Variants in ATM observed in about 807,000 individuals in gnomAD.
ATM encodes the protein serine-protein kinase ATM.
A neutral mutation model predicts 387.0 loss-of-function variants in ATM; 308 were observed. The ratio of observed to expected loss-of-function variants is 0.80; its 90% CI spans 0.73 to 0.87. The LOEUF (loss-of-function observed/expected upper bound fraction) is 0.87. ATM is among the 40% of genes least tolerant of loss of function. ATM has a pLI of 0.00. For synonymous variants in ATM, 1,156 were observed against 1,187.3 expected (o/e 0.97, Z 0.54); for missense variants, 3,312 against 3,560.9 (o/e 0.93, Z 1.78).
chr11:108,224,221 T>A (rs1236046081), intron 1 of ATM: 1 of 152,216 alleles, frequency 6.6e-6, no homozygotes, highest in African/African-American at 2.4e-5. Flanking sequence ...TTATACAGTT[T>A]GTAAGTGGCT....
chr11:108,328,986 T>C, intron 48 of ATM, 35 bp from the exon 49 acceptor site: 1 of 1,573,534 alleles, frequency 6.4e-7, no homozygotes, highest in Non-Finnish European at 8.7e-7. Flanking sequence ...TTAGTATTTG[T>C]AAATATAATT....
intron 5 of ATM, among the ~76,000 whole-genome samples, chr11:108,238,811 G>C (rs774909320): frequency 6.6e-6 from 1 of 151,664 alleles, no homozygotes; most frequent in Non-Finnish European, 1.5e-5. Context: ...GTGATTTATT[G>C]TGGTAAAATA....
chr11:108,229,216 T>G lies in ATM; in HGVS notation c.224T>G (p.Leu75Arg). Reference protein sequence around the residue: ...QKYIQKETECLRIAKPNVSAS... With the variant: ...QKYIQKETECRRIAKPNVSAS... ...TATATTCAGAAAGAAACAGAATGTC[T>G]GAGAATAGCAAAACCAAATGTATCA... is the stretch of plus-strand genomic sequence containing the variant. Residue 75 changes from leucine (L) to arginine (R), a missense_variant, in exon 4 of 63, where the codon CTG (leucine) becomes CGG (arginine). Leu to Arg is a moderately radical substitution (Grantham distance 102). Around this residue, in one of 4 missense-constraint regions of ATM, gnomAD observed 1,791 missense variants for 1,804.5 expected, o/e 0.99. Coordinates refer to ENST00000675843, the MANE Select transcript of ATM (RefSeq NM_000051.4). The G allele has an allele frequency of 6.2e-7, 1 of 1,613,448 alleles. No homozygotes were observed. Among genetic ancestry groups the G allele is most frequent in the Non-Finnish European group, 8.5e-7 (1 of 1,179,706 alleles).
chr11:108,241,742 CTTTTT>C lies in ATM; in HGVS notation c.497-2190_497-2186del, dbSNP rs1206745957. On this transcript the variant is annotated intron_variant, in intron 5 of 62. Transcript: ENST00000675843. ...TCTTTCTTTCTGTCTTTCTTTCTTT[CTTTTT>C]TTTTTTTTTTTTTTTTTTTTGAGAT... Among the ~76,000 whole-genome samples, 9 of 45,346 alleles carry C rather than the reference CTTTTT, an allele frequency of 2.0e-4. No homozygotes were observed. In the East Asian group the frequency reaches 3.4e-3, roughly 17 times the overall value. 29.7% of individuals were successfully genotyped at this position (45,346 alleles called of 152,430 possible).
At chr11:108,271,861 GT>G (rs1258580848) in intron 20 of ATM, among the ~76,000 whole-genome samples, 1 of 152,110 alleles carries the variant, frequency 6.6e-6, no homozygotes, top group African/African-American at 2.4e-5. Flanking sequence ...TCAATAGACT[GT>G]TTTTTGTTTT....
chr11:108,338,934 C>A (rs1242597428), intron 56 of ATM, among the ~76,000 whole-genome samples: 5 of 152,142 alleles, frequency 3.3e-5, no homozygotes, highest in Non-Finnish European at 7.4e-5. Context: ...CATTCCCAAT[C>A]CTGAGATTCA....
rs2081667850 is a variant in ATM, at chr11:108,272,816, A to G, written c.3248A>G (p.His1083Arg). 3.7e-6 allele frequency: 6 copies of G among 1,614,090 alleles called. No individual in the cohort carries two copies. Among genetic ancestry groups the G allele is most frequent in the Non-Finnish European group, 5.1e-6 (6 of 1,180,002 alleles). Residue 1083 changes from histidine to arginine, a missense_variant, in exon 22 of 63, where the codon CAC (histidine) becomes CGC (arginine). Around this residue, in one of 4 missense-constraint regions of ATM, gnomAD observed 1,791 missense variants for 1,804.5 expected, o/e 0.99. Coordinates refer to ENST00000675843, the MANE Select transcript of ATM (RefSeq NM_000051.4). ...ACACAATTTCTTGCTGACAATCATC[A>G]CCAAGTTCGCATGTTGGCTGCAGAG... The part of the protein sequence containing the change: ...VFTQFLADNH[H>R]QVRMLAAESI...
Position 108,331,959 on chromosome 11 carries a change from A to G in ATM, c.7710A>G (p.Glu2570=), listed in dbSNP as rs760215505. Residue 2570 remains glutamate, a synonymous_variant, in exon 52 of 63, where the codon GAA becomes GAG. Coordinates refer to ENST00000675843, the MANE Select transcript of ATM (RefSeq NM_000051.4). ...CCTTAGCAAATGCAAACAGAGATGA[A>G]TTTCTGACTAAACCAGAGGTAGCCA... ...ILALANANRD[E]FLTKPEVARR... 1 of 1,614,088 alleles carries G rather than the reference A, an allele frequency of 6.2e-7. No individual in the cohort carries two copies. The highest frequency in any genetic ancestry group is 1.7e-5 in the Admixed American group (1 of 60,026).
intron 45 of ATM, among the ~76,000 whole-genome samples, chr11:108,322,075 A>G (rs886342518): frequency 1.3e-5 from 2 of 152,122 alleles, no homozygotes; most frequent in Non-Finnish European, 2.9e-5. Context: ...GCCTTGCTAA[A>G]CTAGAAGCTC....
intron 16 of ATM, among the ~76,000 whole-genome samples, chr11:108,265,865 C>CA (rs1410347559): frequency 7.8e-6 from 1 of 128,554 alleles, no homozygotes; most frequent in African/African-American, 2.8e-5. Flanking sequence ...TTTATGCAGC[C>CA]AAAAAACACA....
At chr11:108,299,456 C>T in intron 33 of ATM, 1 of 366,018 alleles carries the variant, frequency 2.7e-6, no homozygotes, top group Admixed American at 3.8e-5. Flanking sequence ...CGCCACCACG[C>T]CTGGCTAATT....
intron 22 of ATM, among the ~76,000 whole-genome samples, chr11:108,276,367 C>T (rs1013693185): frequency 8.5e-5 from 13 of 152,156 alleles, no homozygotes; most frequent in African/African-American, 1.2e-4. Flanking sequence ...TCTGTCAATT[C>T]GTCAAACTCA....
intron 22 of ATM, among the ~76,000 whole-genome samples, chr11:108,276,035 T>C (rs2081928231): frequency 6.6e-6 from 1 of 152,242 alleles, no homozygotes; most frequent in African/African-American, 2.4e-5. Flanking sequence ...AGTCCCATAT[T>C]TCTTGGAGGC....
rs786204737 is a variant in ATM, at chr11:108,250,987, CT to C, written c.1524del (p.Gly509GlufsTer3). On this transcript the variant is annotated frameshift_variant, in exon 10 of 63. Coordinates refer to ENST00000675843, the MANE Select transcript of ATM (RefSeq NM_000051.4). LOFTEE classifies it high-confidence loss of function. ...AATACAAGCTGAAAACTTTGGCTTA[CT>C]TGGAGCCATAATTCAGGGTAGTTTA... ...EQIQAENFGLLGAIIQGSLVE... is the reference protein window; with the variant it reads ...EQIQAENFGLXGAIIQGSLVE... 2 of 1,614,078 alleles carry C rather than the reference CT, an allele frequency of 1.2e-6. No individual in the cohort carries two copies. The highest frequency in any genetic ancestry group is 1.7e-6 in the Non-Finnish European group (2 of 1,180,008).
intron 46 of ATM, 119 bp from the exon 47 acceptor site, chr11:108,325,939 T>A: frequency 8.0e-7 from 1 of 1,250,752 alleles, no homozygotes. Context: ...CTTAAGATAG[T>A]CCCTGACAAG....
At position 108,258,965 on chromosome 11, in the gene ATM, CTTTG is replaced by C. The variant is rs730881298; in HGVS notation, c.2377-15_2377-12del. 1.8e-5 allele frequency: 29 copies of C among 1,590,196 alleles called. No homozygotes were observed. Among genetic ancestry groups the C allele is most frequent in the African/African-American group, 6.7e-5 (5 of 74,416 alleles). ...GTTTTTATTTCTTTGTTGCTTGGTT[CTTTG>C]TTTGTCTTAATTGCAGAAGAGTCCA... On this transcript the variant is annotated splice_polypyrimidine_tract_variant and intron_variant, in intron 15 of 62. Coordinates refer to ENST00000675843, the MANE Select transcript of ATM (RefSeq NM_000051.4).
intron 26 of ATM, 40 bp from the exon 27 acceptor site, chr11:108,287,560 T>A (rs2135734269): frequency 7.7e-7 from 1 of 1,305,058 alleles, no homozygotes; most frequent in Non-Finnish European, 1.1e-6. Flanking sequence ...CGTTCACAGA[T>A]ATAAAATATT....
In ATM at chr11:108,259,162, T is replaced by G. The variant is rs145659155; in HGVS notation, c.2466+87T>G. The stretch of plus-strand genomic sequence containing the variant: ...AAATATCTTTGTAAATAAGGATGCA[T>G]CTCACAACATATAGCTCTTAACATT... On this transcript the variant is annotated intron_variant, in intron 16 of 62. Transcript: ENST00000675843. 734 of 1,070,494 alleles carry G rather than the reference T, an allele frequency of 6.9e-4. 3 individuals carry two copies. In the African/African-American group the frequency reaches 0.01, roughly 15 times the overall value. 66.3% of individuals were successfully genotyped at this position (1,070,494 alleles called of 1,614,324 possible). A position where few individuals can be genotyped will look rare whatever the true frequency, so the allele number is the denominator to read the frequency against.
intron 56 of ATM, among the ~76,000 whole-genome samples, chr11:108,342,140 T>C (rs145124575): frequency 0.02 from 2,969 of 152,206 alleles, 94 homozygotes; most frequent in African/African-American, 0.067. Flanking sequence ...TGTTAGTGTA[T>C]TTTATGTGTG....
Sources: gnomAD v4.1 joint callset for allele counts (sites outside exome capture counted in the v4.1 genomes callset) on GRCh38, gnomAD v4.1.1 for gene constraint, gnomAD v4.1.1 regional missense constraint, MANE v1.5 for transcripts, NCBI Gene and HGNC (gene_info 2026-07-23, HGNC 2026-07-21) for gene names.